Variants in UNC13C observed in about 807,000 individuals in gnomAD.
UNC13C encodes protein unc-13 homolog C.
A neutral mutation model predicts 245.4 loss-of-function variants in UNC13C; 174 were observed. The observed-to-expected ratio is 0.71, with a 90% CI of 0.63 to 0.80. UNC13C has a LOEUF of 0.80. Ranked by LOEUF, UNC13C falls within the 30% of genes least tolerant of loss-of-function variation. UNC13C has a pLI of 0.00. For missense variants in UNC13C, 2,829 were observed against 2,602.9 expected (o/e 1.09, Z -1.89); for synonymous variants, 992 against 895.1 (o/e 1.11, Z -1.93).
At chr15:54,079,940 G>A (rs1898845532) in intron 2 of UNC13C, among the ~76,000 whole-genome samples, 1 of 150,032 alleles carries the variant, frequency 6.7e-6, no homozygotes, top group African/African-American at 2.4e-5. Context: ...AATGTTAGGT[G>A]TGGGCTTGTC....
chr15:54,630,176 A>G (rs937159023), downstream of UNC13C: 1 of 152,224 alleles, frequency 6.6e-6, no homozygotes, highest in African/African-American at 2.4e-5. Flanking sequence ...TTAAAGATAC[A>G]CGTGTAAATC....
chr15:53,908,797 A>G, the UNC13C span, among the ~76,000 whole-genome samples: 1 of 142,974 alleles, frequency 7.0e-6, no homozygotes, highest in African/African-American at 2.5e-5. Context: ...GGTTTTATAC[A>G]TTTTTTCAAA....
intron 2 of UNC13C, among the ~76,000 whole-genome samples, chr15:54,028,682 G>GTTTTTTT (rs1896223044): frequency 7.1e-5 from 3 of 42,360 alleles, no homozygotes; most frequent in East Asian, 6.0e-4. Context: ...CAGCCTACAA[G>GTTTTTTT]TCTTTTTTTT....
chr15:54,577,492 G>A (rs1898005911), intron 30 of UNC13C, among the ~76,000 whole-genome samples: 1 of 152,156 alleles, frequency 6.6e-6, no homozygotes, highest in African/African-American at 2.4e-5. Flanking sequence ...TCTTGAGCAG[G>A]CTTACTCCCT....
At chr15:54,131,143 T>A (rs1257598016) in intron 2 of UNC13C, among the ~76,000 whole-genome samples, 1 of 151,516 alleles carries the variant, frequency 6.6e-6, no homozygotes, top group African/African-American at 2.4e-5. Flanking sequence ...CTTAGATATG[T>A]TTTAAAGTTT....
chr15:54,087,006 T>C (rs1340139466), intron 2 of UNC13C, among the ~76,000 whole-genome samples: 2 of 152,060 alleles, frequency 1.3e-5, no homozygotes, highest in African/African-American at 4.8e-5. Context: ...AGTGCTGGGA[T>C]TACAGACGTG....
At chr15:54,556,543 A>G (rs1340154442) in intron 29 of UNC13C, among the ~76,000 whole-genome samples, 1 of 152,020 alleles carries the variant, frequency 6.6e-6, no homozygotes, top group Non-Finnish European at 1.5e-5. Flanking sequence ...ACAGAAATGG[A>G]GTTTCTAAAG....
In UNC13C at chr15:54,136,962, C is replaced by T. The variant is rs529778509; in HGVS notation, c.2984-6056C>T. 2.0e-5 allele frequency among the ~76,000 whole-genome samples: 3 copies of T among 152,084 alleles called. No homozygotes were observed. In the East Asian group the frequency reaches 5.8e-4, roughly 30 times the overall value. On this transcript the variant is annotated intron_variant, in intron 2 of 32. Coordinates refer to ENST00000260323, the MANE Select transcript of UNC13C (RefSeq NM_001080534.3). ...ATCAGTCCTCCCATCTCAGCCTCCC[C>T]AGTAGCTGGGAGTAGAGGTGTACAC...
At chr15:54,219,165 A>C (rs1344422011) in intron 4 of UNC13C, among the ~76,000 whole-genome samples, 2 of 152,128 alleles carry the variant, frequency 1.3e-5, no homozygotes, top group African/African-American at 4.8e-5. Context: ...AAAAGAACAA[A>C]GCTGGAGGCA....
the UNC13C span, among the ~76,000 whole-genome samples, chr15:53,862,506 T>G: frequency 6.6e-6 from 1 of 152,146 alleles, no homozygotes; most frequent in Non-Finnish European, 1.5e-5. Flanking sequence ...AAGTGCATGT[T>G]TAAGAATGCT....
chr15:54,480,141 C>G (rs1468456397), intron 19 of UNC13C, among the ~76,000 whole-genome samples: 2 of 151,936 alleles, frequency 1.3e-5, no homozygotes, highest in African/African-American at 4.8e-5. Context: ...TGATAATATT[C>G]CTTGGAGGAA....
intron 4 of UNC13C, among the ~76,000 whole-genome samples, chr15:54,219,218 C>A (rs1256327373): frequency 2.0e-5 from 3 of 151,424 alleles, no homozygotes; most frequent in Admixed American, 1.3e-4. Context: ...GCTACAGTAA[C>A]CAAAACAGCA....
intron 19 of UNC13C, among the ~76,000 whole-genome samples, chr15:54,455,164 C>CCTCTCTCTCTCTCTCT (rs1203605020): frequency 1.1e-4 from 2 of 17,518 alleles, no homozygotes; most frequent in Non-Finnish European, 2.2e-4. Flanking sequence ...GAGTCATATT[C>CCTCTCTCTCTCTCTCT]CTCTCTCTCT....
intron 30 of UNC13C, among the ~76,000 whole-genome samples, chr15:54,618,883 C>T (rs78895313): frequency 0.02 from 3,065 of 152,152 alleles, 59 homozygotes; most frequent in Admixed American, 0.064. Flanking sequence ...AGTTAAAATT[C>T]CACTGTGACT....
chr15:54,462,881 G>C (rs1891932873), intron 19 of UNC13C, among the ~76,000 whole-genome samples: 1 of 152,152 alleles, frequency 6.6e-6, no homozygotes, highest in Non-Finnish European at 1.5e-5. Context: ...CATGGGCCTG[G>C]CATGGGATCC....
At chr15:54,546,984 T>C (rs1896514234) in intron 27 of UNC13C, 139 bp downstream of exon 27, 2 of 789,930 alleles carry the variant, frequency 2.5e-6, no homozygotes, top group African/African-American at 1.9e-5. Context: ...ACAATGATCA[T>C]TCAAATGATA....
chr15:54,453,133 C>A (rs1334613215), intron 19 of UNC13C, among the ~76,000 whole-genome samples: 1 of 152,200 alleles, frequency 6.6e-6, no homozygotes, highest in Non-Finnish European at 1.5e-5. Context: ...ATTGCACAGT[C>A]TCCAGGCAGC....
At chr15:54,167,989 C>A (rs559569471) in intron 4 of UNC13C, among the ~76,000 whole-genome samples, 23 of 152,220 alleles carry the variant, frequency 1.5e-4, no homozygotes, top group Non-Finnish European at 2.8e-4. Flanking sequence ...AGATGTGGAA[C>A]AACCAAAACT....
At chr15:53,955,300 C>CAT in the UNC13C span, among the ~76,000 whole-genome samples, 10 of 147,328 alleles carry the variant, frequency 6.8e-5, no homozygotes, top group African/African-American at 2.2e-4. Flanking sequence ...CACACACACA[C>CAT]ATAAAACTAG....
Sources: gnomAD v4.1 joint callset for allele counts (sites outside exome capture counted in the v4.1 genomes callset) on GRCh38, gnomAD v4.1.1 for gene constraint, MANE v1.5 for transcripts, NCBI Gene and HGNC (gene_info 2026-07-23, HGNC 2026-07-21) for gene names.